ARHGAP32: variants seen among roughly 807,000 people sequenced by gnomAD.
The protein encoded by ARHGAP32 is Rho GTPase activating protein 32, also known as rho GTPase-activating protein 32.
A neutral mutation model predicts 186.5 loss-of-function variants in ARHGAP32; 51 were observed. The ratio of observed to expected loss-of-function variants is 0.27; its 90% CI spans 0.22 to 0.35. The LOEUF (loss-of-function observed/expected upper bound fraction) is 0.35. Ranked by LOEUF, ARHGAP32 falls within the 10% of genes least tolerant of loss-of-function variation. ARHGAP32 has a pLI of 1.00. For missense variants in ARHGAP32, 2,186 were observed against 2,623.5 expected (o/e 0.83, Z 3.64); for synonymous variants, 950 against 964.3 (o/e 0.99, Z 0.27).
At chr11:129,030,967 C>A (rs1194058145) in intron 11 of ARHGAP32, among the ~76,000 whole-genome samples, 1 of 152,212 alleles carries the variant, frequency 6.6e-6, no homozygotes, top group African/African-American at 2.4e-5. Flanking sequence ...CCTGCTCCCA[C>A]TTCGCTTTCA....
At chr11:129,037,575 T>C (rs376335435) in intron 11 of ARHGAP32, among the ~76,000 whole-genome samples, 4 of 152,052 alleles carry the variant, frequency 2.6e-5, no homozygotes, top group African/African-American at 7.3e-5. Context: ...GACTTAATAC[T>C]GTTAATAATA....
In ARHGAP32 at chr11:128,970,911, C is replaced by T. The variant is rs776335123; in HGVS notation, c.4302G>A (p.Glu1434=). ...AGTGTATGGCAGCAATCATCTTACT[C>T]TCCATCATCCTGGTGGGGGGCAGTG... is the stretch of plus-strand genomic sequence containing the variant. ...PAPLPPTRMM[E]SKMIAAIHSS... The change falls in exon 23 of 23, where the codon GAG becomes GAA. Residue 1434 remains glutamate, a synonymous_variant. Transcript: ENST00000682385. This position sits in a 1 kb window ranked among gnomAD's most constrained non-coding sequence, Gnocchi z 5.8. 1 of 1,614,016 alleles carries T rather than the reference C, an allele frequency of 6.2e-7. No homozygotes were observed. Among genetic ancestry groups the T allele is most frequent in the African/African-American group, 1.3e-5 (1 of 74,942 alleles).
In ARHGAP32 at chr11:129,201,980, CTCTG is replaced by C. The variant is rs552695518; in HGVS notation, c.-4-37557_-4-37554del. On this transcript the variant is annotated intron_variant, in intron 1 of 6. Coordinates refer to the ARHGAP32 transcript ENST00000525234. ...CCTGGGCAACAGAGCAAGAGCCTGTCTCTGTCTGTCTGTCTGTCTGTCTGTGTCT... is the reference window on the plus strand; with the variant it reads ...CCTGGGCAACAGAGCAAGAGCCTGTCTCTGTCTGTCTGTCTGTCTGTGTCT... Among the ~76,000 whole-genome samples the C allele has an allele frequency of 2.0e-3, 297 of 151,946 alleles. 1 individual carries two copies. Among genetic ancestry groups the C allele is most frequent in the African/African-American group, 5.2e-3 (217 of 41,468 alleles).
chr11:128,970,384 G>A lies in ARHGAP32; in HGVS notation c.4829C>T (p.Ser1610Phe), dbSNP rs754890873. The change falls in exon 23 of 23, where the codon TCT becomes TTT. Residue 1610 changes from serine to phenylalanine, a missense_variant. Transcript: ENST00000682385. This position sits in a 1 kb window ranked among gnomAD's most constrained non-coding sequence, Gnocchi z 5.8. ...AACTTCTGTCCGTGAAATGGGAACAGAGCGAATCATGGAAGACGGCGGAGC... is the reference window on the plus strand; with the variant it reads ...AACTTCTGTCCGTGAAATGGGAACAAAGCGAATCATGGAAGACGGCGGAGC... ...LHAPPSSMIR[S>F]VPISRTEVPP... 6.2e-7 allele frequency: 1 copy of A among 1,614,232 alleles called. No individual in the cohort carries two copies.
chr11:129,121,697 G>A (rs117549741), intron 5 of ARHGAP32, among the ~76,000 whole-genome samples: 1,907 of 152,108 alleles, frequency 0.013, 25 homozygotes, highest in Non-Finnish European at 0.021. Context: ...CCTGAGTAAT[G>A]GAATTCTACA....
chr11:129,192,472 G>A (rs536425032), upstream of ARHGAP32, among the ~76,000 whole-genome samples: 3 of 152,222 alleles, frequency 2.0e-5, no homozygotes, highest in African/African-American at 7.2e-5. Flanking sequence ...AAATGAAGGT[G>A]ATTTTTTACT....
intron 11 of ARHGAP32, among the ~76,000 whole-genome samples, chr11:129,008,003 A>G (rs1046272084): frequency 4.7e-4 from 72 of 152,220 alleles, no homozygotes; most frequent in African/African-American, 1.7e-3. Flanking sequence ...ACAGGGCAGC[A>G]CTGGATTCAA....
At chr11:129,029,563 G>A (rs1352177072) in intron 11 of ARHGAP32, among the ~76,000 whole-genome samples, 1 of 152,144 alleles carries the variant, frequency 6.6e-6, no homozygotes, top group Non-Finnish European at 1.5e-5. Context: ...CAGCACTTTG[G>A]GAGGCCGAGA....
intron 6 of ARHGAP32, among the ~76,000 whole-genome samples, chr11:129,084,061 G>A (rs923172673): frequency 1.3e-5 from 2 of 151,038 alleles, no homozygotes; most frequent in African/African-American, 4.9e-5. Flanking sequence ...TTGTAACACA[G>A]ATGAAACTGG....
rs184790498 is a variant in ARHGAP32 at position 129,139,570 on chromosome 11, A to T, written c.226-14676T>A. Among the ~76,000 whole-genome samples, 285 of 152,264 alleles carry T rather than the reference A, an allele frequency of 1.9e-3. 3 individuals are homozygous for T. The highest frequency in any genetic ancestry group is 6.5e-3 in the African/African-American group (272 of 41,572). On this transcript the variant is annotated intron_variant, in intron 2 of 22. Transcript: ENST00000682385. ...CCAGTGGGAGGTAATTAATTGAATC[A>T]TAGGGGGCGGGTCTTTCTTGTGCTG...
At chr11:129,177,438 G>A (rs1266632232) in intron 1 of ARHGAP32, among the ~76,000 whole-genome samples, 1 of 152,118 alleles carries the variant, frequency 6.6e-6, no homozygotes, top group East Asian at 1.9e-4. Context: ...CTCATTTTAC[G>A]AGGCCAGCAT....
At chr11:129,126,477 C>T (rs969826799) in intron 2 of ARHGAP32, among the ~76,000 whole-genome samples, 1 of 152,194 alleles carries the variant, frequency 6.6e-6, no homozygotes, top group African/African-American at 2.4e-5. Flanking sequence ...CACCATCTTT[C>T]TAGTCTGCAT....
intron 11 of ARHGAP32, among the ~76,000 whole-genome samples, chr11:128,999,698 A>G (rs1946302678): frequency 6.6e-6 from 1 of 152,156 alleles, no homozygotes; most frequent in African/African-American, 2.4e-5. Context: ...ACACTTTGGG[A>G]AAATAGAAAA....
At chr11:129,044,844 T>C (rs922643976) in intron 10 of ARHGAP32, among the ~76,000 whole-genome samples, 1 of 151,906 alleles carries the variant, frequency 6.6e-6, no homozygotes, top group Non-Finnish European at 1.5e-5. Context: ...AAAGAGTTTA[T>C]GTGAAAGTAA....
In ARHGAP32 at chr11:129,207,640, T is replaced by C. The variant is rs140821762; in HGVS notation, c.-4-43213A>G. On this transcript the variant is annotated intron_variant, in intron 1 of 6. Coordinates refer to the ARHGAP32 transcript ENST00000525234. The stretch of plus-strand genomic sequence containing the variant: ...GTAGATTCTGGATGTTAGTAGCCCT[T>C]TGTCAGATGGATAGGTTGCAAAAAA... Among the ~76,000 whole-genome samples the C allele has an allele frequency of 2.0e-3, 298 of 152,274 alleles. 3 individuals carry two copies. The highest frequency in any genetic ancestry group is 7.0e-3 in the African/African-American group (289 of 41,558).
At chr11:129,154,428 T>A (rs1357018745) in intron 2 of ARHGAP32, among the ~76,000 whole-genome samples, 1 of 152,146 alleles carries the variant, frequency 6.6e-6, no homozygotes, top group Non-Finnish European at 1.5e-5. Context: ...GACACTTGCA[T>A]GCACATGTTT....
At chr11:129,152,723 A>G (rs1943314962) in intron 2 of ARHGAP32, among the ~76,000 whole-genome samples, 1 of 152,098 alleles carries the variant, frequency 6.6e-6, no homozygotes, top group Non-Finnish European at 1.5e-5. Context: ...AACTGGAATA[A>G]AAGGGGCATA....
At chr11:129,209,663 T>C (rs900680860) in intron 1 of ARHGAP32, among the ~76,000 whole-genome samples, 1 of 88,874 alleles carries the variant, frequency 1.1e-5, no homozygotes, top group Non-Finnish European at 2.8e-5. Context: ...GGTTTACAAA[T>C]TTTGCAAAAA....
chr11:129,164,883 G>A (rs958297796), intron 1 of ARHGAP32, among the ~76,000 whole-genome samples: 3 of 152,142 alleles, frequency 2.0e-5, no homozygotes, highest in African/African-American at 7.2e-5. Flanking sequence ...GAACAACTAT[G>A]AATGTTGGGC....
Sources: gnomAD v4.1 joint callset for allele counts (sites outside exome capture counted in the v4.1 genomes callset) on GRCh38, gnomAD v4.1.1 for gene constraint, Gnocchi (gnomAD v3.1) non-coding constraint, MANE v1.5 for transcripts, NCBI Gene and HGNC (gene_info 2026-07-23, HGNC 2026-07-21) for gene names.